Variants in HTR1E observed in about 807,000 individuals in gnomAD.
HTR1E encodes 5-HT-1E.
In HTR1E, 3 loss-of-function variants were observed where a neutral mutation model predicts 3.4. The ratio of observed to expected loss-of-function variants is 0.89; its 90% confidence interval spans 0.41 to 2.31. The LOEUF is 2.31. Among genes scored for constraint, HTR1E ranks in the 30% most tolerant of loss-of-function variants. The pLI, the probability that HTR1E is intolerant of heterozygous loss-of-function variation, is 0.05. For synonymous variants in HTR1E, 170 were observed against 182.8 expected, an observed-to-expected ratio of 0.93 and a Z score of 0.56; for missense variants, 392 against 467.0, an observed-to-expected ratio of 0.84 and a Z score of 1.48.
chr6:86,963,696 T>C (rs995490760), intron 1 of HTR1E, among the ~76,000 whole-genome samples: 9 of 152,338 alleles, frequency 5.9e-5, no homozygotes, highest in African/African-American at 2.2e-4. Context: ...TGTGTTACAA[T>C]TGCCTACATT....
intron 1 of HTR1E, among the ~76,000 whole-genome samples, chr6:86,995,740 A>T (rs1428945225): frequency 6.7e-6 from 1 of 149,996 alleles, no homozygotes; most frequent in Non-Finnish European, 1.5e-5. Flanking sequence ...TCTGCAAAAA[A>T]CTCTAAATGT....
intron 1 of HTR1E, among the ~76,000 whole-genome samples, chr6:86,981,856 T>C (rs1485590988): frequency 6.6e-6 from 1 of 152,120 alleles, no homozygotes; most frequent in African/African-American, 2.4e-5. Flanking sequence ...CTAAAGCTGA[T>C]GCCTCTATCC....
At chr6:86,984,070 C>G (rs949084669) in intron 1 of HTR1E, among the ~76,000 whole-genome samples, 1 of 152,064 alleles carries the variant, frequency 6.6e-6, no homozygotes, top group Admixed American at 6.6e-5. Flanking sequence ...GTTTTCCAAA[C>G]TGCATCCTAG....
intron 1 of HTR1E, among the ~76,000 whole-genome samples, chr6:86,975,478 A>G (rs2127824035): frequency 6.6e-6 from 1 of 152,060 alleles, no homozygotes; most frequent in East Asian, 1.9e-4. Flanking sequence ...CTACCGCTCC[A>G]TCTATATATT....
At chr6:86,942,138 T>C (rs1159477881) in intron 1 of HTR1E, among the ~76,000 whole-genome samples, 1 of 152,128 alleles carries the variant, frequency 6.6e-6, no homozygotes, top group East Asian at 1.9e-4. Context: ...GTATAAAAGA[T>C]GCTGTTAGCA....
chr6:86,994,526 A>C (rs1285657391), intron 1 of HTR1E, among the ~76,000 whole-genome samples: 1 of 152,282 alleles, frequency 6.6e-6, no homozygotes, highest in East Asian at 1.9e-4. Context: ...TCTACATGCA[A>C]AGAAAATATC....
At chr6:87,013,796 GA>G (rs1002616988) in intron 1 of HTR1E, among the ~76,000 whole-genome samples, 14 of 151,578 alleles carry the variant, frequency 9.2e-5, no homozygotes, top group African/African-American at 2.9e-4. Context: ...AAATTTATAG[GA>G]AAAAAACAAA....
At chr6:86,975,918 GACACACACAC>G (rs57513474) in intron 1 of HTR1E, among the ~76,000 whole-genome samples, 3 of 144,144 alleles carry the variant, frequency 2.1e-5, no homozygotes, top group African/African-American at 7.6e-5. Context: ...CTCTCTCTGA[GACACACACAC>G]ACACACACAC....
Position 87,016,080 on chromosome 6 carries a change from C to T in HTR1E, c.746C>T (p.Thr249Ile). 6.2e-7 allele frequency: 1 copy of T among 1,614,158 alleles called. No homozygotes were observed. The highest frequency in any genetic ancestry group is 1.1e-5 in the South Asian group (1 of 91,072). Residue 249 changes from threonine (T) to isoleucine (I), a missense_variant, in exon 2 of 2, where the codon ACC becomes ATC. By Grantham distance (89) the Thr-to-Ile change is moderately conservative. Coordinates refer to ENST00000305344, the MANE Select transcript of HTR1E (RefSeq NM_000865.3). ...TQTFCVSDFS[T>I]SDPTTEFEKF... ...ACTTTCTGTGTGTCTGACTTCTCCA[C>T]CTCAGACCCTACCACAGAGTTTGAA...
intron 1 of HTR1E, among the ~76,000 whole-genome samples, chr6:86,961,187 A>G (rs1198408652): frequency 6.6e-6 from 1 of 152,164 alleles, no homozygotes; most frequent in Non-Finnish European, 1.5e-5. Flanking sequence ...CAACTGTTTC[A>G]GAAAATCTCT....
chr6:86,949,996 T>C (rs573020160), intron 1 of HTR1E, among the ~76,000 whole-genome samples: 17 of 152,318 alleles, frequency 1.1e-4, no homozygotes, highest in African/African-American at 2.6e-4. Context: ...GATTTCATCA[T>C]GTCTGGCTTG....
chr6:87,016,013 A>G lies in HTR1E; in HGVS notation c.679A>G (p.Thr227Ala). 2 of 1,614,248 alleles carry G rather than the reference A, an allele frequency of 1.2e-6. No individual in the cohort carries two copies. Among genetic ancestry groups the G allele is most frequent in the Non-Finnish European group, 1.7e-6 (2 of 1,180,036 alleles). The change falls in exon 2 of 2, where the codon ACA becomes GCA. Residue 227 changes from threonine to alanine, a missense_variant. This residue lies in a region of HTR1E where 178 missense variants were observed against 164.9 expected (regional missense o/e 1.08). Transcript: ENST00000305344. The part of the protein sequence containing the change: ...GSSRHLSNRS[T>A]DSQNSFASCK... ...AAGTCGGCACTTAAGCAACAGAAGC[A>G]CAGATAGCCAGAATTCTTTTGCAAG... is the stretch of plus-strand genomic sequence containing the variant.
intron 1 of HTR1E, among the ~76,000 whole-genome samples, chr6:87,002,312 C>T (rs369644303): frequency 2.7e-4 from 41 of 152,252 alleles, no homozygotes; most frequent in African/African-American, 7.7e-4. Context: ...GACTTGGTGG[C>T]GAGTGTTACA....
intron 1 of HTR1E, among the ~76,000 whole-genome samples, chr6:86,990,279 T>C (rs1767854616): frequency 6.6e-6 from 1 of 152,226 alleles, no homozygotes; most frequent in Non-Finnish European, 1.5e-5. Flanking sequence ...AGGCATTTCA[T>C]AAAGTTCATT....
chr6:87,013,494 T>C (rs1277933545), intron 1 of HTR1E, among the ~76,000 whole-genome samples: 2 of 152,186 alleles, frequency 1.3e-5, no homozygotes, highest in Admixed American at 6.5e-5. Context: ...CTCTGATTAT[T>C]GCAGTTAACT....
intron 1 of HTR1E, among the ~76,000 whole-genome samples, chr6:86,957,441 C>A (rs1209660419): frequency 6.6e-6 from 1 of 152,132 alleles, no homozygotes; most frequent in Non-Finnish European, 1.5e-5. Context: ...AAGTTTCTTA[C>A]CATATATTCT....
At chr6:86,939,955 C>G (rs1332029103) in intron 1 of HTR1E, among the ~76,000 whole-genome samples, 1 of 152,138 alleles carries the variant, frequency 6.6e-6, no homozygotes, top group African/African-American at 2.4e-5. Context: ...GATGCCTGGT[C>G]AGCAACAATC....
At chr6:86,939,610 C>T (rs532029291) in intron 1 of HTR1E, among the ~76,000 whole-genome samples, 3 of 152,288 alleles carry the variant, frequency 2.0e-5, no homozygotes, top group East Asian at 1.9e-4. Context: ...TGCTTGTTTT[C>T]GCTTTCATAA....
chr6:86,985,309 C>A (rs531805622), intron 1 of HTR1E, among the ~76,000 whole-genome samples: 2 of 152,152 alleles, frequency 1.3e-5, no homozygotes, highest in South Asian at 4.2e-4. Context: ...CAATTTGATC[C>A]CTGATGTGTC....
Sources: gnomAD v4.1 joint callset for allele counts (sites outside exome capture counted in the v4.1 genomes callset) on GRCh38, gnomAD v4.1.1 for gene constraint, gnomAD v4.1.1 regional missense constraint, MANE v1.5 for transcripts, NCBI Gene and HGNC (gene_info 2026-07-23, HGNC 2026-07-21) for gene names.